The following FAM20A variants were observed in gnomAD, a reference collection of about 807,000 sequenced individuals.
The protein encoded by FAM20A is FAM20A golgi associated secretory pathway pseudokinase, also known as pseudokinase FAM20A.
Under a neutral mutation model 52.0 loss-of-function variants are expected in FAM20A, and 42 were observed. The observed-to-expected ratio is 0.81, with a 90% CI of 0.63 to 1.04. The LOEUF (loss-of-function observed/expected upper bound fraction) is 1.04. Ranked by LOEUF, FAM20A falls within the 50% of genes least tolerant of loss-of-function variation. The pLI is 0.00. For synonymous variants in FAM20A, 304 were observed against 298.9 expected, an observed-to-expected ratio of 1.02 and a Z score of -0.18; for missense variants, 742 against 712.7, an observed-to-expected ratio of 1.04 and a Z score of -0.47.
At chr17:68,576,169 C>G (rs1340775697) in intron 1 of FAM20A, among the ~76,000 whole-genome samples, 3 of 152,136 alleles carry the variant, frequency 2.0e-5, no homozygotes, top group Non-Finnish European at 2.9e-5. Flanking sequence ...GCCCCCATAC[C>G]TGCCTCAAGC....
chr17:68,592,089 CAG>C (rs1226693751), intron 1 of FAM20A, among the ~76,000 whole-genome samples: 1 of 152,136 alleles, frequency 6.6e-6, no homozygotes, highest in Admixed American at 6.5e-5. Flanking sequence ...CAACTGGACT[CAG>C]TGGGATCCAA....
chr17:68,536,253 G>A lies in FAM20A; in HGVS notation c.*1224C>T. The stretch of plus-strand genomic sequence containing the variant: ...GCTCCATTCTATTCTCATGCTTACA[G>A]TATTTGAACTCTGGCCTTTACTGGA... On this transcript the variant is annotated 3_prime_UTR_variant, in exon 11 of 11. Transcript: ENST00000592554. 2.2e-6 allele frequency: 1 copy of A among 454,116 alleles called. No individual in the cohort carries two copies. Among genetic ancestry groups the A allele is most frequent in the Non-Finnish European group, 4.4e-6 (1 of 226,794 alleles). The allele number at this position is 454,116 out of a possible 1,614,324, so 28.1% of individuals were successfully genotyped here.
chr17:68,597,265 A>C lies in FAM20A; in HGVS notation c.404+2998T>G, dbSNP rs559190728. ...CTCAGACTAATGGTCTCTTGTGGGC[A>C]AGTGGCGAAGAACACTGATTTGGCT... is the stretch of plus-strand genomic sequence containing the variant. On this transcript the variant is annotated intron_variant, in intron 1 of 10. Transcript: ENST00000592554. Among the ~76,000 whole-genome samples the C allele has an allele frequency of 9.9e-5, 15 of 151,658 alleles. No homozygotes were observed. The South Asian group carries it at 3.1e-3, about 32-fold the overall frequency.
At chr17:68,574,667 G>A (rs780838465) in intron 1 of FAM20A, among the ~76,000 whole-genome samples, 4 of 152,158 alleles carry the variant, frequency 2.6e-5, no homozygotes, top group African/African-American at 9.7e-5. Flanking sequence ...ATACTGTGAA[G>A]AATTATTTCC....
At chr17:68,568,260 G>A (rs1403957791) in intron 1 of FAM20A, among the ~76,000 whole-genome samples, 1 of 151,824 alleles carries the variant, frequency 6.6e-6, no homozygotes, top group African/African-American at 2.4e-5. Context: ...ACGAGGTCAG[G>A]AGATCAAGAC....
intron 1 of FAM20A, among the ~76,000 whole-genome samples, chr17:68,573,359 TTGC>T (rs2087618901): frequency 6.6e-6 from 1 of 152,252 alleles, no homozygotes; most frequent in African/African-American, 2.4e-5. Context: ...CTGTTTTTTG[TTGC>T]TTTATAACAA....
chr17:68,577,445 G>A (rs1422230427), intron 1 of FAM20A, among the ~76,000 whole-genome samples: 4 of 152,188 alleles, frequency 2.6e-5, no homozygotes, highest in African/African-American at 2.4e-5. Context: ...CACTGGGGGC[G>A]ATTTTACCCC....
intron 9 of FAM20A, 68 bp downstream of exon 9, chr17:68,539,817 G>T (rs893266607): frequency 3.3e-6 from 5 of 1,501,696 alleles, no homozygotes; most frequent in African/African-American, 1.4e-5. Flanking sequence ...TGTTTCCCCC[G>T]AGCAGCTGGC....
intron 2 of FAM20A, 64 bp from the exon 3 acceptor site, chr17:68,554,891 G>T: frequency 6.5e-7 from 1 of 1,539,922 alleles, no homozygotes; most frequent in South Asian, 1.1e-5. Flanking sequence ...CTACAACATG[G>T]AGGTCCCTTG....
rs1198885948 is a variant in FAM20A, at chr17:68,575,421, ATATATATTATATATTT to A, written c.405-19694_405-19679del. On this transcript the variant is annotated intron_variant, in intron 1 of 10. Coordinates refer to ENST00000592554, the MANE Select transcript of FAM20A (RefSeq NM_017565.4). ...TTTTATATATATATGTCTTCACTTT[ATATATATTATATATTT>A]TATATATTATATATTTTATATATTA... Among the ~76,000 whole-genome samples the A allele has an allele frequency of 7.4e-3, 773 of 103,952 alleles. 19 individuals are homozygous for A. The highest frequency in any genetic ancestry group is 0.021 in the African/African-American group (611 of 29,164). The allele number at this position is 103,952 out of a possible 152,430, so 68.2% of individuals were successfully genotyped here. A position where few individuals can be genotyped will look rare whatever the true frequency, so the allele number is the denominator to read the frequency against.
At chr17:68,538,483 C>T (rs1286988973) in intron 10 of FAM20A, among the ~76,000 whole-genome samples, 1 of 152,248 alleles carries the variant, frequency 6.6e-6, no homozygotes, top group Non-Finnish European at 1.5e-5. Flanking sequence ...ATAATTAGCT[C>T]TGCATACTGC....
intron 3 of FAM20A, among the ~76,000 whole-genome samples, chr17:68,552,639 C>A (rs564715098): frequency 6.6e-6 from 1 of 150,932 alleles, no homozygotes; most frequent in African/African-American, 2.4e-5. Context: ...AAAAGGGAAG[C>A]CTGGAGCCCT....
chr17:68,555,809 C>G, intron 1 of FAM20A, 66 bp from the exon 2 acceptor site: 1 of 1,562,068 alleles, frequency 6.4e-7, no homozygotes, highest in African/African-American at 1.4e-5. Context: ...GATACCTTGT[C>G]TGCAGTTTTT....
At position 68,591,248 on chromosome 17, in the gene FAM20A, G is replaced by T. The variant is rs149762396; in HGVS notation, c.404+9015C>A. On this transcript the variant is annotated intron_variant, in intron 1 of 10. Transcript: ENST00000592554. The stretch of plus-strand genomic sequence containing the variant: ...CAGCCTCCCGAGTAGCTGGGCGCCC[G>T]CCGCCACGCCCGGTTAATTTTTTTG... 8.0e-3 allele frequency among the ~76,000 whole-genome samples: 1,216 copies of T among 152,248 alleles called. 16 individuals carry two copies. Among genetic ancestry groups the T allele is most frequent in the African/African-American group, 0.028 (1,163 of 41,562 alleles).
At chr17:68,583,687 C>T (rs112944768) in intron 1 of FAM20A, among the ~76,000 whole-genome samples, 4,518 of 152,090 alleles carry the variant, frequency 0.03, 131 homozygotes, top group South Asian at 0.15. Flanking sequence ...GAGGCCAAGG[C>T]GGGCAGATCA....
chr17:68,565,595 C>T (rs1456637667), intron 1 of FAM20A, among the ~76,000 whole-genome samples: 6 of 151,824 alleles, frequency 4.0e-5, no homozygotes, highest in South Asian at 4.2e-4. Context: ...GGTTTCACCA[C>T]GTTGGTCAGG....
chr17:68,570,154 C>T (rs1001939096), intron 1 of FAM20A, among the ~76,000 whole-genome samples: 4 of 152,316 alleles, frequency 2.6e-5, no homozygotes, highest in Admixed American at 1.3e-4. Flanking sequence ...CAGCTCACTG[C>T]AACCACCACC....
rs761058695 is a variant in FAM20A, at chr17:68,537,559, G to C, written c.1544C>G (p.Ala515Gly). ...GACTATGACACTCTGCTGTCCATGG[G>C]CCACTATGCACCCCTCCACTGTCCT... Reference protein sequence around the residue: ...ILRTVEGCIVAHGQQSVIVDG... With the variant: ...ILRTVEGCIVGHGQQSVIVDG... Residue 515 changes from alanine (A) to glycine (G), a missense_variant, in exon 11 of 11, where the codon GCC becomes GGC. Coordinates refer to ENST00000592554, the MANE Select transcript of FAM20A (RefSeq NM_017565.4). This position sits in a 1 kb window ranked among gnomAD's most constrained non-coding sequence, Gnocchi z 4.2. The C allele has an allele frequency of 1.2e-6, 2 of 1,613,370 alleles. No individual in the cohort carries two copies. Among genetic ancestry groups the C allele is most frequent in the Non-Finnish European group, 1.7e-6 (2 of 1,179,642 alleles).
rs2086125879 is a variant in FAM20A, at chr17:68,537,435, C to G, written c.*42G>C. 6.2e-7 allele frequency: 1 copy of G among 1,613,428 alleles called. No individual in the cohort carries two copies. The highest frequency in any genetic ancestry group is 8.5e-7 in the Non-Finnish European group (1 of 1,179,848). On this transcript the variant is annotated 3_prime_UTR_variant, in exon 11 of 11. Transcript: ENST00000592554. The surrounding 1 kb of genome is among the most constrained non-coding windows in gnomAD (Gnocchi z 4.2). ...AGGGTCGGCACTCGAGTCGACTGCT[C>G]TGGCTCCAGGCGTATTTTCTGAAAC...
Sources: gnomAD v4.1 joint callset for allele counts (sites outside exome capture counted in the v4.1 genomes callset) on GRCh38, gnomAD v4.1.1 for gene constraint, Gnocchi (gnomAD v3.1) non-coding constraint, MANE v1.5 for transcripts, NCBI Gene and HGNC (gene_info 2026-07-23, HGNC 2026-07-21) for gene names.